Variants in NTNG1 observed in about 807,000 individuals in gnomAD.
The protein encoded by NTNG1 is netrin G1, also known as netrin-G1.
Under a neutral mutation model 54.0 loss-of-function variants are expected in NTNG1, and 16 were observed. That is an observed-to-expected ratio of 0.30 (90% CI 0.20 to 0.45). NTNG1 has a LOEUF of 0.45. NTNG1 is among the 20% of genes least tolerant of loss of function. NTNG1 has a pLI of 1.00. For synonymous variants in NTNG1, 255 were observed against 263.1 expected, an observed-to-expected ratio of 0.97 and a Z score of 0.30; for missense variants, 530 against 678.7, an observed-to-expected ratio of 0.78 and a Z score of 2.43.
chr1:107,405,278 A>C (rs1191639565), intron 4 of NTNG1, among the ~76,000 whole-genome samples: 1 of 152,196 alleles, frequency 6.6e-6, no homozygotes, highest in African/African-American at 2.4e-5. Context: ...TTCAACTTCA[A>C]AGGTCTTTAT....
At chr1:107,364,288 G>A (rs533956946) in intron 3 of NTNG1, among the ~76,000 whole-genome samples, 3 of 151,800 alleles carry the variant, frequency 2.0e-5, no homozygotes, top group Non-Finnish European at 4.4e-5. Context: ...CATAATTCTC[G>A]TGGCTATCAT....
chr1:107,199,761 A>G (rs771038752), intron 2 of NTNG1, among the ~76,000 whole-genome samples: 3 of 151,896 alleles, frequency 2.0e-5, no homozygotes, highest in Non-Finnish European at 4.4e-5. Flanking sequence ...ATTAATTCAG[A>G]GACCCAACTC....
At chr1:107,339,994 G>C (rs1172531855) in intron 3 of NTNG1, among the ~76,000 whole-genome samples, 1 of 152,004 alleles carries the variant, frequency 6.6e-6, no homozygotes, top group Non-Finnish European at 1.5e-5. Flanking sequence ...GGGTACTGTG[G>C]CAACAGCAGG....
intron 2 of NTNG1, among the ~76,000 whole-genome samples, chr1:107,241,007 C>T (rs906107037): frequency 2.0e-5 from 3 of 151,790 alleles, no homozygotes; most frequent in Non-Finnish European, 4.4e-5. Context: ...TTACATGATT[C>T]CCTTACTTTT....
intron 2 of NTNG1, among the ~76,000 whole-genome samples, chr1:107,319,846 AAT>A (rs898709835): frequency 1.4e-5 from 2 of 141,372 alleles, no homozygotes; most frequent in Non-Finnish European, 3.1e-5. Context: ...GTGTTACATT[AAT>A]ATCGCTTACC....
intron 2 of NTNG1, among the ~76,000 whole-genome samples, chr1:107,199,801 A>G (rs1658602087): frequency 6.6e-6 from 1 of 151,614 alleles, no homozygotes. Flanking sequence ...TGACTATTTC[A>G]GTGGAAGCTA....
intron 7 of NTNG1, among the ~76,000 whole-genome samples, chr1:107,469,257 C>T (rs1207756541): frequency 6.6e-6 from 1 of 152,136 alleles, no homozygotes; most frequent in Non-Finnish European, 1.5e-5. Context: ...GTTCATGCTT[C>T]CATTATCAAA....
chr1:107,169,595 G>C (rs1656067202), intron 2 of NTNG1, among the ~76,000 whole-genome samples: 1 of 152,088 alleles, frequency 6.6e-6, no homozygotes, highest in African/African-American at 2.4e-5. Context: ...TGGAAATCCT[G>C]AATTTTTATA....
intron 2 of NTNG1, among the ~76,000 whole-genome samples, chr1:107,213,623 C>T (rs546987068): frequency 2.6e-5 from 4 of 152,188 alleles, no homozygotes; most frequent in African/African-American, 9.6e-5. Context: ...GGCTAGCTGA[C>T]ATATTCCTGG....
chr1:107,238,446 G>T (rs1055218716), intron 2 of NTNG1, among the ~76,000 whole-genome samples: 16 of 152,234 alleles, frequency 1.1e-4, no homozygotes, highest in African/African-American at 3.9e-4. Context: ...GGGGACTGTT[G>T]GGAAGGCATG....
chr1:107,208,532 A>G (rs1659368747), intron 2 of NTNG1, among the ~76,000 whole-genome samples: 1 of 152,084 alleles, frequency 6.6e-6, no homozygotes, highest in Admixed American at 6.6e-5. Context: ...TATGTCCCCA[A>G]GCAACACACC....
At chr1:107,305,352 AAC>A (rs1246279086) in intron 2 of NTNG1, among the ~76,000 whole-genome samples, 1 of 152,204 alleles carries the variant, frequency 6.6e-6, no homozygotes, top group African/African-American at 2.4e-5. Context: ...CACTCCCACC[AAC>A]AGTGTAATAG....
At chr1:107,328,104 C>A (rs937054338) in intron 3 of NTNG1, among the ~76,000 whole-genome samples, 1 of 152,054 alleles carries the variant, frequency 6.6e-6, no homozygotes, top group African/African-American at 2.4e-5. Context: ...CCTCTCATTG[C>A]GTATTTATTA....
intron 2 of NTNG1, among the ~76,000 whole-genome samples, chr1:107,287,699 T>C (rs1019235233): frequency 2.0e-5 from 3 of 152,150 alleles, no homozygotes; most frequent in African/African-American, 7.2e-5. Flanking sequence ...GTTTGACTTT[T>C]ATTCTCTAGG....
chr1:107,269,695 T>G (rs755393684), intron 2 of NTNG1, among the ~76,000 whole-genome samples: 13 of 152,250 alleles, frequency 8.5e-5, no homozygotes, highest in Non-Finnish European at 1.6e-4. Context: ...TTCTTCTAGC[T>G]CTGCAGCTAA....
chr1:107,279,613 A>G (rs565426385), intron 2 of NTNG1, among the ~76,000 whole-genome samples: 71 of 152,260 alleles, frequency 4.7e-4, no homozygotes, highest in African/African-American at 1.6e-3. Context: ...TTTCTCCTTC[A>G]TCTTTCTAGA....
chr1:107,392,057 C>T (rs773786680), intron 3 of NTNG1, among the ~76,000 whole-genome samples: 4 of 152,092 alleles, frequency 2.6e-5, no homozygotes, highest in Non-Finnish European at 4.4e-5. Context: ...ATGGGTGAGG[C>T]AGGAAGCCAA....
chr1:107,161,628 G>A (rs1289346189), intron 2 of NTNG1, among the ~76,000 whole-genome samples: 1 of 149,066 alleles, frequency 6.7e-6, no homozygotes, highest in East Asian at 2.0e-4. Context: ...GCCACTGCAC[G>A]CCAGCCTGGG....
intron 2 of NTNG1, among the ~76,000 whole-genome samples, chr1:107,263,053 A>G (rs1055492015): frequency 2.6e-5 from 4 of 152,222 alleles, no homozygotes; most frequent in Non-Finnish European, 5.9e-5. Flanking sequence ...TGTGCAAACA[A>G]TTCTGATAAA....
Sources: gnomAD v4.1 joint callset for allele counts (sites outside exome capture counted in the v4.1 genomes callset) on GRCh38, gnomAD v4.1.1 for gene constraint, MANE v1.5 for transcripts, NCBI Gene and HGNC (gene_info 2026-07-23, HGNC 2026-07-21) for gene names.